The following PARD3B variants were observed in gnomAD, a reference collection of about 807,000 sequenced individuals.
The protein encoded by PARD3B is partitioning defective 3 homolog B.
PARD3B carries 103 observed loss-of-function variants against 130.2 expected under a neutral mutation model. That is an observed-to-expected ratio of 0.79 (90% confidence interval 0.67 to 0.93). The LOEUF (loss-of-function observed/expected upper bound fraction) is 0.93. PARD3B is among the 40% of genes least tolerant of loss of function. PARD3B has a pLI of 0.00. For missense variants in PARD3B, 1,609 were observed against 1,499.2 expected, an observed-to-expected ratio of 1.07 and a Z score of -1.21; for synonymous variants, 583 against 553.2, an observed-to-expected ratio of 1.05 and a Z score of -0.76.
chr2:205,068,169 G>A (rs188612930), intron 4 of PARD3B, among the ~76,000 whole-genome samples: 2 of 152,212 alleles, frequency 1.3e-5, no homozygotes, highest in South Asian at 2.1e-4. Context: ...TCTCTGTTTG[G>A]GGATGGGGCA....
At chr2:204,861,336 T>A (rs546689069) in intron 2 of PARD3B, among the ~76,000 whole-genome samples, 2 of 152,136 alleles carry the variant, frequency 1.3e-5, no homozygotes, top group Non-Finnish European at 2.9e-5. Flanking sequence ...CTAAAATAAT[T>A]AATTTAACAT....
chr2:205,252,891 T>C (rs961052702), intron 16 of PARD3B, among the ~76,000 whole-genome samples: 3 of 116,824 alleles, frequency 2.6e-5, no homozygotes, highest in African/African-American at 9.9e-5. Flanking sequence ...TAATAGTCCA[T>C]ATAAGAGATG....
intron 2 of PARD3B, among the ~76,000 whole-genome samples, chr2:204,929,263 G>T (rs1454057913): frequency 6.6e-6 from 1 of 152,104 alleles, no homozygotes; most frequent in Non-Finnish European, 1.5e-5. Flanking sequence ...CTATGCTAGT[G>T]TTCACTGCTA....
In PARD3B at chr2:205,015,948, C is replaced by T. The variant is rs1696114326; in HGVS notation, c.395-31633C>T. Among the ~76,000 whole-genome samples the T allele has an allele frequency of 6.6e-6, 1 of 152,138 alleles. No homozygotes were observed. Among genetic ancestry groups the T allele is most frequent in the South Asian group, 2.1e-4 (1 of 4,826 alleles). ...ACCGTTTCTGCACTCCACCTGAGGC[C>T]ACCACTCCCAACAGTTACACTGAAG... On this transcript the variant is annotated intron_variant, in intron 3 of 22. Transcript: ENST00000406610. This position sits in a 1 kb window ranked among gnomAD's most constrained non-coding sequence, Gnocchi z 4.5.
intron 18 of PARD3B, among the ~76,000 whole-genome samples, chr2:205,310,186 G>A (rs989859384): frequency 1.9e-4 from 28 of 148,746 alleles, no homozygotes; most frequent in African/African-American, 6.5e-4. Flanking sequence ...CTGGGTTCAC[G>A]CCATTCTCCT....
At chr2:205,305,728 G>C (rs2042163209) in intron 18 of PARD3B, among the ~76,000 whole-genome samples, 1 of 152,148 alleles carries the variant, frequency 6.6e-6, no homozygotes, top group African/African-American at 2.4e-5. Context: ...AACTTCTGTT[G>C]TCTCAGTGTC....
At chr2:204,966,414 T>A (rs1320055966) in intron 3 of PARD3B, among the ~76,000 whole-genome samples, 1 of 152,188 alleles carries the variant, frequency 6.6e-6, no homozygotes, top group Non-Finnish European at 1.5e-5. Context: ...GCAGCTTCTC[T>A]TCATCTGGAG....
chr2:204,650,881 GGGGAGTGA>G (rs1559030343), intron 1 of PARD3B, among the ~76,000 whole-genome samples: 2 of 128,192 alleles, frequency 1.6e-5, no homozygotes, highest in African/African-American at 7.9e-5. Context: ...TCTTACCATG[GGGGAGTGA>G]GAGAGAGAGA....
At chr2:204,814,915 A>C (rs1258916383) in intron 2 of PARD3B, among the ~76,000 whole-genome samples, 1 of 151,912 alleles carries the variant, frequency 6.6e-6, no homozygotes. Context: ...GTACAAGTAA[A>C]ATTGTAATAA....
rs772950255 is a variant in PARD3B, at chr2:205,609,590, C to T, written c.3261-5866C>T. 3.1e-4 allele frequency among the ~76,000 whole-genome samples: 47 copies of T among 152,188 alleles called. 1 individual carries two copies. Among genetic ancestry groups the T allele is most frequent in the Admixed American group, 2.0e-3 (31 of 15,284 alleles). On this transcript the variant is annotated intron_variant, in intron 22 of 22. Coordinates refer to ENST00000406610, the MANE Select transcript of PARD3B (RefSeq NM_001302769.2). Reference sequence around the variant, plus strand: ...TTAGCTTTGTTTTGGCTGCTAATCACACACATAGTATTTTATAGAAATTAA... The same window carrying T: ...TTAGCTTTGTTTTGGCTGCTAATCATACACATAGTATTTTATAGAAATTAA...
At position 204,943,591 on chromosome 2, in the gene PARD3B, A is replaced by T. The variant is rs1320776748; in HGVS notation, c.223-21561A>T. ...TTGTGCCATGAGAAACCAAACTGTG[A>T]TTACTAGGGAAGATTTCTTAAGTTA... is the stretch of plus-strand genomic sequence containing the variant. On this transcript the variant is annotated intron_variant, in intron 2 of 22. Transcript: ENST00000406610. This position sits in a 1 kb window ranked among gnomAD's most constrained non-coding sequence, Gnocchi z 4.2. Among the ~76,000 whole-genome samples the T allele has an allele frequency of 6.6e-6, 1 of 152,202 alleles. No homozygotes were observed.
At chr2:205,037,222 T>C (rs886690242) in intron 3 of PARD3B, among the ~76,000 whole-genome samples, 1 of 140,750 alleles carries the variant, frequency 7.1e-6, no homozygotes, top group Non-Finnish European at 1.5e-5. Flanking sequence ...TATAAAAATA[T>C]GTATATAGTG....
chr2:205,125,591 T>TA lies in PARD3B; in HGVS notation c.1306-17dup. ...CAAGTATTGTGATTGTGGCTGTTCA[T>TA]ATGCTTTTATTCATTAGGTAAATGG... On this transcript the variant is annotated splice_polypyrimidine_tract_variant and intron_variant, in intron 9 of 22. Transcript: ENST00000406610. The surrounding 1 kb of genome is among the most constrained non-coding windows in gnomAD (Gnocchi z 4.0). 6.2e-7 allele frequency: 1 copy of TA among 1,612,964 alleles called. No homozygotes were observed. The highest frequency in any genetic ancestry group is 8.5e-7 in the Non-Finnish European group (1 of 1,179,412).
intron 15 of PARD3B, among the ~76,000 whole-genome samples, chr2:205,214,004 T>C (rs1048069700): frequency 1.3e-5 from 2 of 152,104 alleles, no homozygotes; most frequent in African/African-American, 4.8e-5. Context: ...GATCAAATTG[T>C]TTGTGGCCCC....
intron 11 of PARD3B, among the ~76,000 whole-genome samples, chr2:205,159,469 C>T (rs543623936): frequency 8.5e-5 from 13 of 152,230 alleles, no homozygotes; most frequent in Middle Eastern, 3.4e-3. Flanking sequence ...AGTCCTTTCA[C>T]GTTGAGGTGA....
chr2:205,119,541 G>C (rs1348700673), intron 7 of PARD3B, among the ~76,000 whole-genome samples: 1 of 152,040 alleles, frequency 6.6e-6, no homozygotes, highest in Non-Finnish European at 1.5e-5. Flanking sequence ...CAGCATTTTG[G>C]GGGGCCGAGG....
At chr2:205,445,905 G>A (rs2106178286) in intron 20 of PARD3B, among the ~76,000 whole-genome samples, 1 of 152,266 alleles carries the variant, frequency 6.6e-6, no homozygotes, top group South Asian at 2.1e-4. Context: ...TATCCACTAA[G>A]GGTCAGGGCC....
At position 205,119,046 on chromosome 2, in the gene PARD3B, A is replaced by G; in HGVS notation, c.806A>G (p.Gln269Arg). Residue 269 changes from glutamine (Q) to arginine (R), a missense_variant and splice_region_variant, in exon 7 of 23, where the codon CAG (glutamine) becomes CGG (arginine). Physicochemically the swap from Gln to Arg is conservative, Grantham distance 43 (BLOSUM62 1). Coordinates refer to ENST00000406610, the MANE Select transcript of PARD3B (RefSeq NM_001302769.2). ...NVDLVDKTFA[Q>R]AQDVFRQAMK... ...GATCTCGTAGACAAAACCTTTGCTC[A>G]GTAAGCATTTTTTCATTGTTTTATT... The G allele has an allele frequency of 6.3e-7, 1 of 1,597,234 alleles. No individual in the cohort carries two copies. The highest frequency in any genetic ancestry group is 8.5e-7 in the Non-Finnish European group (1 of 1,174,344).
chr2:204,734,137 AAGAT>A (rs2039641510), intron 2 of PARD3B, among the ~76,000 whole-genome samples: 1 of 152,170 alleles, frequency 6.6e-6, no homozygotes, highest in Admixed American at 6.5e-5. Flanking sequence ...ATTTCCAAAA[AAGAT>A]AGACACATAA....
Sources: allele counts gnomAD v4.1 joint callset (sites outside exome capture counted in the v4.1 genomes callset), GRCh38; gene constraint gnomAD v4.1.1; non-coding constraint Gnocchi (gnomAD v3.1); transcripts MANE v1.5; gene names NCBI Gene and HGNC (gene_info 2026-07-23, HGNC 2026-07-21).